The following EML1 variants were observed in gnomAD, a reference collection of about 807,000 sequenced individuals.
EML1 encodes the protein echinoderm microtubule-associated protein-like 1.
Under a neutral mutation model 110.4 loss-of-function variants are expected in EML1, and 27 were observed. The observed-to-expected ratio is 0.24, with a 90% CI of 0.18 to 0.34. EML1 has a LOEUF of 0.34. EML1 is among the 10% of genes least tolerant of loss of function. The pLI is 1.00. For synonymous variants in EML1, 344 were observed against 385.8 expected (o/e 0.89, Z 1.27); for missense variants, 741 against 1,030.9 (o/e 0.72, Z 3.85).
At chr14:99,761,840 TC>T (rs2140188005) in intron 1 of EML1, among the ~76,000 whole-genome samples, 1 of 150,938 alleles carries the variant, frequency 6.6e-6, no homozygotes, top group South Asian at 2.1e-4. Context: ...AATGAGAATC[TC>T]TTGAACCTGG....
chr14:99,938,265 T>A (rs1259126959), intron 20 of EML1, among the ~76,000 whole-genome samples: 2 of 152,224 alleles, frequency 1.3e-5, no homozygotes, highest in African/African-American at 4.8e-5. Flanking sequence ...TATTTATATA[T>A]TTTTTGTTCT....
At chr14:99,880,271 G>A (rs924291928) in intron 4 of EML1, among the ~76,000 whole-genome samples, 5 of 152,132 alleles carry the variant, frequency 3.3e-5, no homozygotes, top group African/African-American at 7.2e-5. Flanking sequence ...CTCCTCTTAG[G>A]CAATTGCTGG....
exon 1 of EML1, chr14:99,773,278 A>G (rs2057445025): frequency 6.6e-6 from 1 of 152,230 alleles, no homozygotes; most frequent in South Asian, 2.1e-4. Context: ...TGTCAGATGA[A>G]CAATCTCAGA....
chr14:99,744,709 G>A (rs1051385550), intron 1 of EML1, among the ~76,000 whole-genome samples: 4 of 152,198 alleles, frequency 2.6e-5, no homozygotes, highest in African/African-American at 7.2e-5. Context: ...TCCCTCCCAC[G>A]GAGTTGCATT....
chr14:99,741,503 T>C (rs2057041794), intron 1 of EML1, among the ~76,000 whole-genome samples: 1 of 152,084 alleles, frequency 6.6e-6, no homozygotes, highest in Admixed American at 6.6e-5. Context: ...AGTACCTCTC[T>C]CTGCCTGAAG....
chr14:99,749,998 G>T (rs8004672), intron 1 of EML1, among the ~76,000 whole-genome samples: 114,687 of 152,128 alleles, frequency 0.75, 45,193 homozygotes, highest in South Asian at 0.88. Context: ...GCTCTGGAAG[G>T]CAGCCAGGAG....
chr14:99,788,992 C>T (rs2057630349), upstream of EML1, among the ~76,000 whole-genome samples: 1 of 152,132 alleles, frequency 6.6e-6, no homozygotes, highest in African/African-American at 2.4e-5. Context: ...TCAGAATTCC[C>T]TTCCTTTTTA....
intron 16 of EML1, among the ~76,000 whole-genome samples, chr14:99,919,321 G>A (rs2060087118): frequency 6.6e-6 from 1 of 151,926 alleles, no homozygotes; most frequent in African/African-American, 2.4e-5. Flanking sequence ...GTAGCCCTTT[G>A]CAGGTCATAG....
At chr14:99,850,732 TA>T (rs1337980515) in intron 1 of EML1, 120 bp from the exon 2 acceptor site, 2 of 982,946 alleles carry the variant, frequency 2.0e-6, no homozygotes, top group Non-Finnish European at 3.0e-6. Flanking sequence ...GCAGTATCTG[TA>T]GTCCGTAAGT....
chr14:99,894,433 A>G, intron 5 of EML1, 196 bp from the exon 6 acceptor site: 1 of 554,378 alleles, frequency 1.8e-6, no homozygotes, highest in Admixed American at 4.4e-5. Context: ...TAAACAGAAT[A>G]TCAAAAGCAA....
intron 1 of EML1, among the ~76,000 whole-genome samples, chr14:99,801,708 A>G (rs994358015): frequency 5.3e-5 from 8 of 151,984 alleles, no homozygotes; most frequent in Non-Finnish European, 8.8e-5. Context: ...CTGCACCCCA[A>G]ACGTCTCATC....
At chr14:99,902,549 A>G (rs2059779444) in intron 9 of EML1, among the ~76,000 whole-genome samples, 1 of 152,212 alleles carries the variant, frequency 6.6e-6, no homozygotes, top group Non-Finnish European at 1.5e-5. Flanking sequence ...AAACCATAAC[A>G]GGACTGATTA....
rs59455374 is a variant in EML1 at position 99,872,432 on chromosome 14, A to T, written c.384-6053A>T. Among the ~76,000 whole-genome samples, 756 of 152,330 alleles carry T rather than the reference A, an allele frequency of 5.0e-3. 7 individuals are homozygous for T. The highest frequency in any genetic ancestry group is 0.017 in the African/African-American group (726 of 41,570). ...AAATGGTAACCCTCCTCCCAGAAAC[A>T]TTCTAAGGCCTCTGTAGACTTTTCC... On this transcript the variant is annotated intron_variant, in intron 3 of 21. Transcript: ENST00000262233.
intron 1 of EML1, among the ~76,000 whole-genome samples, chr14:99,774,493 C>T (rs975498720): frequency 6.6e-6 from 1 of 152,220 alleles, no homozygotes; most frequent in Non-Finnish European, 1.5e-5. Flanking sequence ...CCTTCCCTCA[C>T]CCTCCTCCTC....
Position 99,781,480 on chromosome 14 carries a change from G to A in EML1, c.-27+7467G>A, listed in dbSNP as rs566055721. Among the ~76,000 whole-genome samples, 127 of 152,250 alleles carry A rather than the reference G, an allele frequency of 8.3e-4. No homozygotes were observed. The highest frequency in any genetic ancestry group is 2.7e-3 in the African/African-American group (112 of 41,516). On this transcript the variant is annotated intron_variant, in intron 1 of 22. Coordinates refer to the EML1 transcript ENST00000327921. The surrounding 1 kb of genome is among the most constrained non-coding windows in gnomAD (Gnocchi z 4.2). ...TTCTGCATCCGCAGTGTGGTCTGGC[G>A]GGCCAGTTCCCCACCCCACAGCTGG...
chr14:99,906,133 A>G (rs2140035087), intron 9 of EML1, among the ~76,000 whole-genome samples: 1 of 152,112 alleles, frequency 6.6e-6, no homozygotes, highest in African/African-American at 2.4e-5. Context: ...CCCACCACTT[A>G]CCCAAAGTCA....
At chr14:99,811,178 T>G (rs2058072870) in intron 1 of EML1, among the ~76,000 whole-genome samples, 1 of 151,602 alleles carries the variant, frequency 6.6e-6, no homozygotes, top group African/African-American at 2.4e-5. Context: ...TTTTTTTTTG[T>G]TTTTTTGGGT....
rs1349048403 is a variant in EML1 at position 99,781,323 on chromosome 14, T to G, written c.-27+7310T>G. Among the ~76,000 whole-genome samples, 2 of 152,122 alleles carry G rather than the reference T, an allele frequency of 1.3e-5. No homozygotes were observed. The highest frequency in any genetic ancestry group is 4.8e-5 in the African/African-American group (2 of 41,420). ...AGCTCTAGCCCTAAGGCCCTGCCCTTGCTCATGGGGTGTGCCTCCCATGCT... is the reference window on the plus strand; with the variant it reads ...AGCTCTAGCCCTAAGGCCCTGCCCTGGCTCATGGGGTGTGCCTCCCATGCT... On this transcript the variant is annotated intron_variant, in intron 1 of 22. Coordinates refer to the EML1 transcript ENST00000327921. This position sits in a 1 kb window ranked among gnomAD's most constrained non-coding sequence, Gnocchi z 4.2.
At chr14:99,780,543 T>G (rs2057528230) in intron 1 of EML1, among the ~76,000 whole-genome samples, 1 of 152,172 alleles carries the variant, frequency 6.6e-6, no homozygotes, top group South Asian at 2.1e-4. Flanking sequence ...GGAGGCAAAC[T>G]CAATACTTTC....
Sources: allele counts gnomAD v4.1 joint callset (sites outside exome capture counted in the v4.1 genomes callset), GRCh38; gene constraint gnomAD v4.1.1; non-coding constraint Gnocchi (gnomAD v3.1); transcripts MANE v1.5; gene names NCBI Gene and HGNC (gene_info 2026-07-23, HGNC 2026-07-21).